ZBTB7C: variants seen among roughly 807,000 people sequenced by gnomAD.
ZBTB7C encodes the protein zinc finger and BTB domain-containing protein 7C.
ZBTB7C carries 8 observed loss-of-function variants against 25.7 expected under a neutral mutation model. The ratio of observed to expected loss-of-function variants is 0.31; its 90% CI spans 0.18 to 0.56. The LOEUF (loss-of-function observed/expected upper bound fraction) is 0.56, where lower values mean the gene tolerates loss of function less well. ZBTB7C is among the 20% of genes least tolerant of loss of function. ZBTB7C has a pLI of 0.91. For synonymous variants in ZBTB7C, 394 were observed against 369.0 expected (o/e 1.07, Z -0.78); for missense variants, 824 against 855.2 (o/e 0.96, Z 0.46).
At position 48,242,962 on chromosome 18, in the gene ZBTB7C, C is replaced by CA. The variant is rs201904926; in HGVS notation, c.-78-56968dup. ...TAACTAGAAAACCCTAAAGACTTAT[C>CA]AAAAAAAGCTCCTAGATCTGGCTGG... On this transcript the variant is annotated intron_variant, in intron 2 of 4. Transcript: ENST00000590800. Among the ~76,000 whole-genome samples, 1,138 of 152,040 alleles carry CA rather than the reference C, an allele frequency of 7.5e-3. 7 individuals are homozygous for CA. Among genetic ancestry groups the CA allele is most frequent in the African/African-American group, 0.026 (1,079 of 41,482 alleles).
At chr18:48,302,049 A>G (rs2045557747) in intron 2 of ZBTB7C, among the ~76,000 whole-genome samples, 1 of 152,084 alleles carries the variant, frequency 6.6e-6, no homozygotes, top group Non-Finnish European at 1.5e-5. Flanking sequence ...ACCCAGCCCC[A>G]CGATGTCTGC....
chr18:48,078,095 C>T (rs937506570), intron 3 of ZBTB7C, among the ~76,000 whole-genome samples: 8 of 152,150 alleles, frequency 5.3e-5, no homozygotes, highest in African/African-American at 1.7e-4. Flanking sequence ...ACTCAGACCC[C>T]TCAGGGTTGG....
chr18:48,175,610 C>T (rs2041647527), intron 3 of ZBTB7C, among the ~76,000 whole-genome samples: 1 of 152,164 alleles, frequency 6.6e-6, no homozygotes, highest in South Asian at 2.1e-4. Context: ...ATATACCCAG[C>T]AACGAGCAAA....
Position 48,246,082 on chromosome 18 carries a change from T to G in ZBTB7C, c.-78-60087A>C, listed in dbSNP as rs150293826. Among the ~76,000 whole-genome samples, 4 of 152,246 alleles carry G rather than the reference T, an allele frequency of 2.6e-5. No individual in the cohort carries two copies. The East Asian group carries it at 7.7e-4, about 29-fold the overall frequency. On this transcript the variant is annotated intron_variant, in intron 2 of 4. Coordinates refer to ENST00000590800, the MANE Select transcript of ZBTB7C (RefSeq NM_001318841.2). ...TCACAATTATGGTATAAAGAGGGAATATGGGAGTGTGTTTCTAGTGTGAAT... is the reference window on the plus strand; with the variant it reads ...TCACAATTATGGTATAAAGAGGGAAGATGGGAGTGTGTTTCTAGTGTGAAT...
At chr18:48,231,315 T>G (rs1033374453) in intron 2 of ZBTB7C, among the ~76,000 whole-genome samples, 2 of 152,096 alleles carry the variant, frequency 1.3e-5, no homozygotes, top group African/African-American at 4.8e-5. Flanking sequence ...AGAGTGCACT[T>G]TCTCCCCTCT....
At chr18:48,269,291 C>T (rs1215942979) in intron 2 of ZBTB7C, among the ~76,000 whole-genome samples, 4 of 152,200 alleles carry the variant, frequency 2.6e-5, no homozygotes, top group Admixed American at 6.5e-5. Flanking sequence ...GGTGCCTTCT[C>T]ACTGTGTCCT....
At chr18:48,284,916 C>T (rs965794949) in intron 2 of ZBTB7C, among the ~76,000 whole-genome samples, 2 of 152,126 alleles carry the variant, frequency 1.3e-5, no homozygotes, top group African/African-American at 4.8e-5. Flanking sequence ...ATGGATAAGA[C>T]TGCCTTTATC....
chr18:48,406,012 C>G (rs2048273398), intron 1 of ZBTB7C, among the ~76,000 whole-genome samples: 1 of 152,152 alleles, frequency 6.6e-6, no homozygotes, highest in Non-Finnish European at 1.5e-5. Context: ...TCCAGTGGGA[C>G]ACAGTCATCC....
intron 3 of ZBTB7C, among the ~76,000 whole-genome samples, chr18:48,112,277 T>C (rs2039272330): frequency 7.0e-6 from 1 of 142,410 alleles, no homozygotes; most frequent in Non-Finnish European, 1.5e-5. Context: ...TTTTTTTTTT[T>C]TGCCTTCTCT....
chr18:48,051,826 C>T (rs2036698454), intron 3 of ZBTB7C, among the ~76,000 whole-genome samples: 1 of 152,140 alleles, frequency 6.6e-6, no homozygotes. Flanking sequence ...TGGCTGGCAC[C>T]CTGGCCGGGT....
chr18:48,073,086 C>T (rs2037614598), intron 3 of ZBTB7C, among the ~76,000 whole-genome samples: 1 of 152,162 alleles, frequency 6.6e-6, no homozygotes, highest in Non-Finnish European at 1.5e-5. Flanking sequence ...CCCAGTTTGG[C>T]CATGGAAAAC....
chr18:48,319,438 T>C (rs376766886), intron 2 of ZBTB7C, among the ~76,000 whole-genome samples: 2 of 152,282 alleles, frequency 1.3e-5, no homozygotes, highest in African/African-American at 4.8e-5. Flanking sequence ...ACTTAATCGA[T>C]GTTAGCTACG....
At chr18:48,157,788 A>G (rs2040880835) in intron 3 of ZBTB7C, among the ~76,000 whole-genome samples, 1 of 152,192 alleles carries the variant, frequency 6.6e-6, no homozygotes, top group African/African-American at 2.4e-5. Context: ...CATATATATC[A>G]GGTGCCACAT....
rs2035669451 is a variant in ZBTB7C at position 48,029,862 on chromosome 18, A to G, written c.1258T>C (p.Tyr420His). ...TTGGCGTTGCAGTGGATGCACAGGT[A>G]GGGCCGCTCCCCTGTGTGCTTCCGC... ...HMRKHTGERP[Y>H]LCIHCNAKFV... The change falls in exon 5 of 5, where the codon TAC becomes CAC. Residue 420 changes from tyrosine to histidine, a missense_variant. Around this residue, in one of 4 missense-constraint regions of ZBTB7C, gnomAD observed 342 missense variants for 307.0 expected, o/e 1.11. Coordinates refer to ENST00000590800, the MANE Select transcript of ZBTB7C (RefSeq NM_001318841.2). 4 of 1,611,354 alleles carry G rather than the reference A, an allele frequency of 2.5e-6. No individual in the cohort carries two copies. Among genetic ancestry groups the G allele is most frequent in the Non-Finnish European group, 3.4e-6 (4 of 1,179,998 alleles).
intron 3 of ZBTB7C, among the ~76,000 whole-genome samples, chr18:48,073,888 C>T (rs1020844731): frequency 2.0e-5 from 3 of 152,236 alleles, no homozygotes; most frequent in African/African-American, 7.2e-5. Flanking sequence ...TCTGATTTGT[C>T]TCCTGTAGAC....
At chr18:48,374,277 G>T (rs1309858161) in intron 1 of ZBTB7C, 1 of 152,206 alleles carries the variant, frequency 6.6e-6, no homozygotes, top group East Asian at 1.9e-4. Context: ...CACAAATAGA[G>T]CCCACTTTAA....
intron 3 of ZBTB7C, among the ~76,000 whole-genome samples, chr18:48,059,929 TC>T (rs2037062590): frequency 6.6e-6 from 1 of 152,068 alleles, no homozygotes; most frequent in Non-Finnish European, 1.5e-5. Context: ...GTGCGACCCT[TC>T]CCCGGCTTCT....
chr18:48,374,596 A>T (rs67250461), intron 1 of ZBTB7C, among the ~76,000 whole-genome samples: 26,281 of 152,038 alleles, frequency 0.17, 2,450 homozygotes, highest in Non-Finnish European at 0.21. Context: ...AGAAGCCTCC[A>T]CTCAGAGTTC....
chr18:48,080,811 C>A (rs1018622099), intron 3 of ZBTB7C, among the ~76,000 whole-genome samples: 2 of 152,212 alleles, frequency 1.3e-5, no homozygotes, highest in Admixed American at 1.3e-4. Context: ...CCAGGCAACC[C>A]GAGAGCCCCA....
Sources: gnomAD v4.1 joint callset for allele counts (sites outside exome capture counted in the v4.1 genomes callset) on GRCh38, gnomAD v4.1.1 for gene constraint, gnomAD v4.1.1 regional missense constraint, MANE v1.5 for transcripts, NCBI Gene and HGNC (gene_info 2026-07-23, HGNC 2026-07-21) for gene names.